Variants in TXNDC16 observed in about 807,000 individuals in gnomAD.
TXNDC16 encodes thioredoxin domain-containing protein 16.
In TXNDC16, 74 loss-of-function variants were observed where a neutral mutation model predicts 85.6. That is an observed-to-expected ratio of 0.86 (90% confidence interval 0.72 to 1.05). TXNDC16 has a LOEUF of 1.05. Among genes scored for constraint, TXNDC16 ranks in the 50% least tolerant of loss-of-function variants. The pLI, the probability that TXNDC16 is intolerant of heterozygous loss-of-function variation, is 0.00. For synonymous variants in TXNDC16, 335 were observed against 326.5 expected (o/e 1.03, Z -0.28); for missense variants, 959 against 947.0 (o/e 1.01, Z -0.17).
intron 6 of TXNDC16, among the ~76,000 whole-genome samples, chr14:52,534,292 C>T (rs1395299885): frequency 1.3e-5 from 2 of 152,176 alleles, no homozygotes; most frequent in African/African-American, 4.8e-5. Context: ...CTACTTCTAA[C>T]CTCTATGACA....
intron 18 of TXNDC16, among the ~76,000 whole-genome samples, chr14:52,448,278 G>A (rs530353573): frequency 1.6e-4 from 24 of 151,812 alleles, no homozygotes; most frequent in Admixed American, 3.9e-4. Flanking sequence ...TTAAAAAAAA[G>A]GATCCTAAAA....
chr14:52,543,363 C>T (rs755923409), intron 3 of TXNDC16, 35 bp downstream of exon 3: 1 of 1,578,464 alleles, frequency 6.3e-7, no homozygotes, highest in Non-Finnish European at 8.6e-7. Flanking sequence ...ATAAAAACAT[C>T]ACAAGAATCA....
At chr14:52,508,814 G>A (rs2036881251) in intron 9 of TXNDC16, among the ~76,000 whole-genome samples, 1 of 152,094 alleles carries the variant, frequency 6.6e-6, no homozygotes, top group South Asian at 2.1e-4. Context: ...AGTATTGCAA[G>A]GACAAAAAAA....
chr14:52,481,212 A>G (rs1341414170), intron 14 of TXNDC16, among the ~76,000 whole-genome samples: 2 of 151,892 alleles, frequency 1.3e-5, no homozygotes, highest in Admixed American at 1.3e-4. Flanking sequence ...GAATAGGGTA[A>G]GAAATACAAG....
chr14:52,438,786 T>C (rs1288139056), intron 20 of TXNDC16, among the ~76,000 whole-genome samples: 2 of 152,158 alleles, frequency 1.3e-5, no homozygotes, highest in Admixed American at 6.5e-5. Flanking sequence ...CTTACAGTTA[T>C]AAAAAGAAAA....
intron 6 of TXNDC16, among the ~76,000 whole-genome samples, chr14:52,530,472 T>TA (rs2037521971): frequency 5.8e-4 from 1 of 1,710 alleles, no homozygotes; most frequent in African/African-American, 1.4e-3. Flanking sequence ...ATATTATATA[T>TA]TATTATATAT....
At chr14:52,492,686 G>C (rs1346270614) in intron 9 of TXNDC16, among the ~76,000 whole-genome samples, 1 of 152,138 alleles carries the variant, frequency 6.6e-6, no homozygotes, top group Non-Finnish European at 1.5e-5. Flanking sequence ...ATGTGGCCAG[G>C]TGGCCAGAAG....
intron 10 of TXNDC16, 105 bp from the exon 11 acceptor site, chr14:52,490,556 GA>G (rs2036376956): frequency 1.1e-6 from 1 of 919,896 alleles, no homozygotes; most frequent in Non-Finnish European, 1.6e-6. Flanking sequence ...TAAAAATTAT[GA>G]AAAAATATTA....
At chr14:52,542,858 C>T (rs1444681477) in intron 3 of TXNDC16, among the ~76,000 whole-genome samples, 2 of 152,080 alleles carry the variant, frequency 1.3e-5, no homozygotes, top group Admixed American at 6.6e-5. Context: ...TGTATACTCA[C>T]TTCACTTATT....
Position 52,451,596 on chromosome 14 carries a change from C to G in TXNDC16, c.1842+3728G>C, listed in dbSNP as rs564512583. ...TATCAACACAATAAAGGACAAAAACCATATGATCATTTCAACTGATGCTGA... is the reference window on the plus strand; with the variant it reads ...TATCAACACAATAAAGGACAAAAACGATATGATCATTTCAACTGATGCTGA... On this transcript the variant is annotated intron_variant, in intron 18 of 20. Transcript: ENST00000281741. 6.6e-5 allele frequency among the ~76,000 whole-genome samples: 10 copies of G among 152,006 alleles called. No individual in the cohort carries two copies. In the South Asian group the frequency reaches 1.7e-3, roughly 25 times the overall value.
At chr14:52,532,696 A>C (rs2037610903) in intron 6 of TXNDC16, among the ~76,000 whole-genome samples, 1 of 152,084 alleles carries the variant, frequency 6.6e-6, no homozygotes, top group African/African-American at 2.4e-5. Context: ...TCGGCCTCCC[A>C]AAGTGCTGAG....
intron 12 of TXNDC16, among the ~76,000 whole-genome samples, chr14:52,483,463 T>C (rs544294826): frequency 7.6e-4 from 116 of 152,248 alleles, no homozygotes; most frequent in Middle Eastern, 3.4e-3. Flanking sequence ...GTCTGCCAGG[T>C]AGAGAATCAA....
chr14:52,441,604 C>CAA (rs113305240), intron 18 of TXNDC16, among the ~76,000 whole-genome samples: 5 of 129,764 alleles, frequency 3.9e-5, no homozygotes, highest in African/African-American at 8.3e-5. Flanking sequence ...GTGAGACTCT[C>CAA]AAAAAAAAAA....
At chr14:52,536,476 C>G (rs1020149787) in intron 6 of TXNDC16, among the ~76,000 whole-genome samples, 4 of 152,144 alleles carry the variant, frequency 2.6e-5, no homozygotes, top group Admixed American at 2.6e-4. Context: ...AGACCTCACT[C>G]GATGTGGTTT....
intron 7 of TXNDC16, among the ~76,000 whole-genome samples, chr14:52,517,868 T>G (rs1404039228): frequency 6.6e-6 from 1 of 152,200 alleles, no homozygotes; most frequent in East Asian, 1.9e-4. Flanking sequence ...CAAGTCTCCG[T>G]GTTCGGCCTT....
chr14:52,521,175 C>T (rs974177502), intron 6 of TXNDC16, among the ~76,000 whole-genome samples: 1 of 151,622 alleles, frequency 6.6e-6, no homozygotes, highest in Non-Finnish European at 1.5e-5. Flanking sequence ...TGCAGTGGCA[C>T]GATTTCAGCT....
In TXNDC16 at chr14:52,457,160, T is replaced by C. The variant is rs1489673275; in HGVS notation, c.1633A>G (p.Ser545Gly). 1.3e-6 allele frequency: 2 copies of C among 1,584,226 alleles called. No individual in the cohort carries two copies. The highest frequency in any genetic ancestry group is 1.7e-6 in the Non-Finnish European group (2 of 1,167,584). The change falls in exon 17 of 21, where the codon AGT becomes GGT. Residue 545 changes from serine to glycine, a missense_variant. Transcript: ENST00000281741. ...CCTTTTAGGTAGTTTCCTGCTTCAC[T>C]AAAATCTTCTTTTGCTATAAATACA... ...PTMKTAKEDF[S>G]EAGNYLKGYV... is the part of the protein sequence containing the mutation.
At chr14:52,505,205 T>C (rs1024129126) in intron 9 of TXNDC16, among the ~76,000 whole-genome samples, 1 of 152,148 alleles carries the variant, frequency 6.6e-6, no homozygotes, top group Admixed American at 6.5e-5. Flanking sequence ...TGAATTCACT[T>C]CTGCACCAAG....
intron 18 of TXNDC16, among the ~76,000 whole-genome samples, chr14:52,448,975 A>T (rs28844072): frequency 1.8e-4 from 28 of 152,098 alleles, no homozygotes; most frequent in Admixed American, 3.3e-4. Flanking sequence ...AAAAAATTTT[A>T]AAAAAATTAA....
Sources: gnomAD v4.1 joint callset for allele counts (sites outside exome capture counted in the v4.1 genomes callset) on GRCh38, gnomAD v4.1.1 for gene constraint, MANE v1.5 for transcripts, NCBI Gene and HGNC (gene_info 2026-07-23, HGNC 2026-07-21) for gene names.